Variants in KCNMA1 observed in about 807,000 individuals in gnomAD.
The protein encoded by KCNMA1 is potassium calcium-activated channel subfamily M alpha 1.
A neutral mutation model predicts 140.0 loss-of-function variants in KCNMA1; 29 were observed. The observed-to-expected ratio is 0.21, with a 90% CI of 0.15 to 0.28. The LOEUF is 0.28. KCNMA1 is among the 10% of genes least tolerant of loss of function. The probability of loss-of-function intolerance (pLI) is 1.00; values close to 1 mark genes in which losing one functional copy is unlikely to be tolerated. For synonymous variants in KCNMA1, 612 were observed against 611.9 expected, an observed-to-expected ratio of 1.00 and a Z score of 0.00; for missense variants, 880 against 1,602.2, an observed-to-expected ratio of 0.55 and a Z score of 7.70.
chr10:77,335,547 T>C (rs618081), intron 2 of KCNMA1, among the ~76,000 whole-genome samples: 127,258 of 152,148 alleles, frequency 0.84, 53,379 homozygotes, highest in Middle Eastern at 0.9. Context: ...GGCCTAGGGA[T>C]GTTTGCACCT....
At chr10:77,124,709 A>C (rs1257496727) in intron 5 of KCNMA1, among the ~76,000 whole-genome samples, 1 of 152,174 alleles carries the variant, frequency 6.6e-6, no homozygotes, top group Non-Finnish European at 1.5e-5. Flanking sequence ...TGAGCCAATG[A>C]AGTTCTCCAT....
In KCNMA1 at chr10:77,627,922, G is replaced by A. The variant is rs370418212; in HGVS notation, c.378+9343C>T. On this transcript the variant is annotated intron_variant, in intron 1 of 27. Coordinates refer to ENST00000286628, the MANE Select transcript of KCNMA1 (RefSeq NM_001161352.2). ...CCACTGTGAATTTATAGTTCCATGC[G>A]CTTCTGCACTTGTTAAATCAGGTCG... is the stretch of plus-strand genomic sequence containing the variant. 1.8e-3 allele frequency among the ~76,000 whole-genome samples: 270 copies of A among 152,238 alleles called. 2 individuals carry two copies. The highest frequency in any genetic ancestry group is 0.017 in the Middle Eastern group (5 of 294).
chr10:77,556,761 T>A (rs573756363), intron 1 of KCNMA1, among the ~76,000 whole-genome samples: 2 of 152,108 alleles, frequency 1.3e-5, no homozygotes, highest in Admixed American at 6.6e-5. Flanking sequence ...CAGGGAACCA[T>A]CTTCCCTCCG....
At chr10:77,326,947 T>A (rs1288640911) in intron 2 of KCNMA1, among the ~76,000 whole-genome samples, 1 of 152,006 alleles carries the variant, frequency 6.6e-6, no homozygotes, top group East Asian at 1.9e-4. Flanking sequence ...TCCATATGGG[T>A]CATCCCTCCC....
intron 2 of KCNMA1, among the ~76,000 whole-genome samples, chr10:77,256,222 T>C (rs1023347191): frequency 6.6e-6 from 1 of 152,170 alleles, no homozygotes; most frequent in Non-Finnish European, 1.5e-5. Flanking sequence ...TTCTAGAACC[T>C]GGACTGGAGT....
At chr10:77,393,576 G>A (rs768767320) in intron 2 of KCNMA1, among the ~76,000 whole-genome samples, 2 of 152,190 alleles carry the variant, frequency 1.3e-5, no homozygotes, top group Non-Finnish European at 1.5e-5. Context: ...TGAGACAGAT[G>A]GAGCTGGGAG....
chr10:77,387,329 G>T (rs1423943264), intron 2 of KCNMA1, among the ~76,000 whole-genome samples: 2 of 152,152 alleles, frequency 1.3e-5, no homozygotes, highest in African/African-American at 4.8e-5. Flanking sequence ...TATGCAGCTG[G>T]GGTATCAAAT....
intron 1 of KCNMA1, among the ~76,000 whole-genome samples, chr10:77,592,168 C>A (rs980061417): frequency 3.5e-4 from 53 of 152,016 alleles, no homozygotes; most frequent in African/African-American, 1.1e-3. Flanking sequence ...CAAAAAAAAA[C>A]CCATATGCTT....
chr10:76,986,213 T>TAAC (rs924713570), intron 19 of KCNMA1, among the ~76,000 whole-genome samples: 20 of 152,286 alleles, frequency 1.3e-4, no homozygotes, highest in South Asian at 6.2e-4. Flanking sequence ...ATTTAATCTC[T>TAAC]AACAACAACA....
chr10:77,293,374 T>C (rs1414186349), intron 2 of KCNMA1, among the ~76,000 whole-genome samples: 3 of 152,050 alleles, frequency 2.0e-5, no homozygotes, highest in African/African-American at 7.2e-5. Context: ...CAACCATAGC[T>C]CCTAAAGCAT....
chr10:77,495,367 G>A (rs1270467660), intron 1 of KCNMA1, among the ~76,000 whole-genome samples: 6 of 152,024 alleles, frequency 3.9e-5, no homozygotes, highest in East Asian at 3.9e-4. Context: ...TGCTACCTCC[G>A]CATCAGGCTG....
intron 5 of KCNMA1, among the ~76,000 whole-genome samples, chr10:77,155,455 GC>G (rs35167729): frequency 0.027 from 4,137 of 152,218 alleles, 75 homozygotes; most frequent in Middle Eastern, 0.054. Flanking sequence ...TAAACATCTT[GC>G]CGAAGCTCAC....
At chr10:77,338,842 C>T (rs2154373519) in intron 2 of KCNMA1, among the ~76,000 whole-genome samples, 1 of 152,332 alleles carries the variant, frequency 6.6e-6, no homozygotes, top group Middle Eastern at 3.4e-3. Context: ...TGTCTTGGTG[C>T]CAAATACCTA....
chr10:76,932,268 T>C (rs2059467037), intron 23 of KCNMA1, among the ~76,000 whole-genome samples: 1 of 152,184 alleles, frequency 6.6e-6, no homozygotes, highest in Non-Finnish European at 1.5e-5. Context: ...GAAAATAAGG[T>C]GTCTTGAGAA....
At chr10:77,355,419 G>C (rs544458289) in intron 2 of KCNMA1, among the ~76,000 whole-genome samples, 1 of 152,124 alleles carries the variant, frequency 6.6e-6, no homozygotes, top group African/African-American at 2.4e-5. Context: ...AGCAGTGATG[G>C]GTTCAGGGAT....
intron 1 of KCNMA1, among the ~76,000 whole-genome samples, chr10:77,448,955 T>G (rs1312948459): frequency 6.6e-6 from 1 of 151,852 alleles, no homozygotes; most frequent in African/African-American, 2.4e-5. Context: ...GGCGTAGTGG[T>G]GCATGCCTGT....
chr10:77,617,848 T>C (rs1466354706), intron 1 of KCNMA1, among the ~76,000 whole-genome samples: 1 of 152,228 alleles, frequency 6.6e-6, no homozygotes, highest in Non-Finnish European at 1.5e-5. Flanking sequence ...ATAATGGTTC[T>C]GGCAGAGCCA....
intron 10 of KCNMA1, among the ~76,000 whole-genome samples, chr10:77,088,585 A>G (rs557696144): frequency 3.3e-5 from 5 of 152,008 alleles, no homozygotes; most frequent in Admixed American, 2.6e-4. Flanking sequence ...ACGTGCCCCT[A>G]TGCCTGGCTA....
At chr10:77,210,699 C>T in intron 3 of KCNMA1, among the ~76,000 whole-genome samples, 1 of 152,082 alleles carries the variant, frequency 6.6e-6, no homozygotes, top group Admixed American at 6.6e-5. Context: ...TATAACTGAT[C>T]AATGATTTTA....
Sources: gnomAD v4.1 joint callset for allele counts (sites outside exome capture counted in the v4.1 genomes callset) on GRCh38, gnomAD v4.1.1 for gene constraint, MANE v1.5 for transcripts, NCBI Gene and HGNC (gene_info 2026-07-23, HGNC 2026-07-21) for gene names.